CCNT2: variants seen among roughly 807,000 people sequenced by gnomAD.
CCNT2 encodes cyclin-T2.
In CCNT2, 18 loss-of-function variants were observed where a neutral mutation model predicts 70.0. The observed-to-expected ratio is 0.26, with a 90% CI of 0.18 to 0.38. The LOEUF (loss-of-function observed/expected upper bound fraction) is 0.38, where lower values mean the gene tolerates loss of function less well. Ranked by LOEUF, CCNT2 falls within the 10% of genes least tolerant of loss-of-function variation. CCNT2 has a pLI of 1.00. For synonymous variants in CCNT2, 334 were observed against 313.3 expected (o/e 1.07, Z -0.70); for missense variants, 734 against 890.2 (o/e 0.82, Z 2.23).
At chr2:134,948,957 T>A (rs1682221567) in intron 7 of CCNT2, among the ~76,000 whole-genome samples, 1 of 152,082 alleles carries the variant, frequency 6.6e-6, no homozygotes, top group Non-Finnish European at 1.5e-5. Flanking sequence ...TCAGATGATC[T>A]GCCCACCTTG....
Position 134,942,155 on chromosome 2 carries a change from C to T in CCNT2, c.431-457C>T, listed in dbSNP as rs538795013. Among the ~76,000 whole-genome samples the T allele has an allele frequency of 1.3e-3, 196 of 150,926 alleles. 1 individual carries two copies. Among genetic ancestry groups the T allele is most frequent in the Non-Finnish European group, 2.0e-3 (137 of 67,820 alleles). On this transcript the variant is annotated intron_variant, in intron 4 of 8. Transcript: ENST00000264157. ...GGTTATAAGGTAACTGGTTGAAACC[C>T]TTTGATCTAGAGTGCCGTATCATTT...
At chr2:134,946,284 C>T (rs1681960956) in intron 6 of CCNT2, 138 bp downstream of exon 6, 1 of 1,265,260 alleles carries the variant, frequency 7.9e-7, no homozygotes, top group South Asian at 1.4e-5. Flanking sequence ...TTCCTGTTTG[C>T]TTTGCGGTGT....
intron 2 of CCNT2, among the ~76,000 whole-genome samples, chr2:134,935,008 G>C (rs1287149740): frequency 6.6e-6 from 1 of 152,130 alleles, no homozygotes; most frequent in African/African-American, 2.4e-5. Context: ...GATTTTTATA[G>C]TGGCATTTGG....
rs776244094 is a variant in CCNT2 at position 134,958,602 on chromosome 2, T to G, written c.*3954T>G. The G allele has an allele frequency of 6.6e-6, 1 of 152,322 alleles. No homozygotes were observed. The highest frequency in any genetic ancestry group is 2.4e-5 in the African/African-American group (1 of 41,558). The allele number at this position is 152,322 out of a possible 1,614,324, so 9.4% of individuals were successfully genotyped here. A position where few individuals can be genotyped will look rare whatever the true frequency, so the allele number is the denominator to read the frequency against. ...AGAATCACATTCTGATACGTTAATA[T>G]CAGAAATCAGTGAGCAACCTAATTG... On this transcript the variant is annotated 3_prime_UTR_variant, in exon 9 of 9. Coordinates refer to ENST00000264157, the MANE Select transcript of CCNT2 (RefSeq NM_058241.3).
rs1682859102 is a variant in CCNT2, at chr2:134,955,239, A to G, written c.*591A>G. 1 of 153,278 alleles carries G rather than the reference A, an allele frequency of 6.5e-6. No homozygotes were observed. The highest frequency in any genetic ancestry group is 1.5e-5 in the Non-Finnish European group (1 of 68,530). 9.5% of individuals were successfully genotyped at this position (153,278 alleles called of 1,614,324 possible). A position where few individuals can be genotyped will look rare whatever the true frequency, so the allele number is the denominator to read the frequency against. On this transcript the variant is annotated 3_prime_UTR_variant, in exon 9 of 9. Transcript: ENST00000264157. ...TTTTATCTTGTCAGAGTCCATCACTAATCTAAAACAAAGGTGGCACTTTTT... is the reference window on the plus strand; with the variant it reads ...TTTTATCTTGTCAGAGTCCATCACTGATCTAAAACAAAGGTGGCACTTTTT...
intron 3 of CCNT2, among the ~76,000 whole-genome samples, chr2:134,937,572 C>A (rs1482659780): frequency 6.6e-6 from 1 of 152,098 alleles, no homozygotes; most frequent in African/African-American, 2.4e-5. Flanking sequence ...TTAAATTTTT[C>A]TGACATCTTA....
At position 134,958,138 on chromosome 2, in the gene CCNT2, CAGTT is replaced by C. The variant is rs1168125699; in HGVS notation, c.*3495_*3498del. ...ATGAATATTATGCATTTCATGAGTA[CAGTT>C]AGTTGATTAGATATTTCAGGGTTTT... On this transcript the variant is annotated 3_prime_UTR_variant, in exon 9 of 9. Coordinates refer to ENST00000264157, the MANE Select transcript of CCNT2 (RefSeq NM_058241.3). 6.6e-6 allele frequency: 1 copy of C among 152,144 alleles called. No individual in the cohort carries two copies. The highest frequency in any genetic ancestry group is 1.5e-5 in the Non-Finnish European group (1 of 68,026). The allele number at this position is 152,144 out of a possible 1,614,324, so 9.4% of individuals were successfully genotyped here.
rs774045612 is a variant in CCNT2, at chr2:134,953,800, G to T, written c.1345G>T (p.Asp449Tyr). The T allele has an allele frequency of 6.2e-7, 1 of 1,613,962 alleles. No homozygotes were observed. The highest frequency in any genetic ancestry group is 8.5e-7 in the Non-Finnish European group (1 of 1,179,908). ...AGAAAAGCGTAAACTAGAAACTCTT[G>T]ATCTCGATGTAAGGGATCATTATAT... The part of the protein sequence containing the change: ...YREKRKLETL[D>Y]LDVRDHYIAA... Residue 449 changes from aspartate to tyrosine, a missense_variant, in exon 9 of 9, where the codon GAT (aspartate) becomes TAT (tyrosine). Physicochemically the swap from Asp to Tyr is radical, Grantham distance 160 (BLOSUM62 -3). Around this residue, in one of 3 missense-constraint regions of CCNT2, gnomAD observed 532 missense variants for 556.9 expected, o/e 0.96. Coordinates refer to ENST00000264157, the MANE Select transcript of CCNT2 (RefSeq NM_058241.3).
chr2:134,937,035 A>G, intron 3 of CCNT2, 66 bp downstream of exon 3: 1 of 1,115,196 alleles, frequency 9.0e-7, no homozygotes, highest in Admixed American at 2.1e-5. Context: ...TGTAGGCCTA[A>G]CAAAAATACA....
chr2:134,943,362 C>T, intron 5 of CCNT2: 1 of 848,576 alleles, frequency 1.2e-6, no homozygotes, highest in Non-Finnish European at 1.4e-6. Context: ...GATCATGCCC[C>T]TGCACTCTAC....
chr2:134,920,015 G>A (rs1679769729), intron 2 of CCNT2, 124 bp downstream of exon 2: 1 of 600,612 alleles, frequency 1.7e-6, no homozygotes, highest in African/African-American at 1.9e-5. Context: ...TATATCACGT[G>A]ATAAATATTT....
intron 6 of CCNT2, 96 bp from the exon 7 acceptor site, chr2:134,947,640 T>C: frequency 1.2e-6 from 1 of 844,260 alleles, no homozygotes; most frequent in Non-Finnish European, 1.7e-6. Flanking sequence ...AAAGATAGAG[T>C]TTAAATTTTG....
At position 134,946,125 on chromosome 2, in the gene CCNT2, C is replaced by A; in HGVS notation, c.518C>A (p.Ser173Tyr). The change falls in exon 6 of 9, where the codon TCC becomes TAC. Residue 173 changes from serine (S) to tyrosine (Y), a missense_variant. This residue lies in a region of CCNT2 where 161 missense variants were observed against 303.8 expected (regional missense o/e 0.53). Transcript: ENST00000264157. The part of the protein sequence containing the change: ...VRASKDLAQT[S>Y]YFMATNSLHL... ...GCAAGCAAGGATTTGGCACAGACATCCTATTTCATGGCTACCAACAGGTTG... is the reference window on the plus strand; with the variant it reads ...GCAAGCAAGGATTTGGCACAGACATACTATTTCATGGCTACCAACAGGTTG... 1 of 1,608,164 alleles carries A rather than the reference C, an allele frequency of 6.2e-7. No individual in the cohort carries two copies.
intron 7 of CCNT2, among the ~76,000 whole-genome samples, chr2:134,949,985 G>A (rs565656961): frequency 1.3e-5 from 2 of 152,194 alleles, no homozygotes; most frequent in African/African-American, 4.8e-5. Flanking sequence ...AGTAGAGATA[G>A]GGTTTTCACC....
intron 4 of CCNT2, among the ~76,000 whole-genome samples, chr2:134,941,244 CAGTA>C (rs933301079): frequency 6.6e-6 from 1 of 152,178 alleles, no homozygotes; most frequent in Non-Finnish European, 1.5e-5. Flanking sequence ...CAACCTGAGA[CAGTA>C]AGACCAACCC....
chr2:134,939,353 T>C (rs1681394842), intron 4 of CCNT2, among the ~76,000 whole-genome samples: 1 of 152,208 alleles, frequency 6.6e-6, no homozygotes, highest in Non-Finnish European at 1.5e-5. Flanking sequence ...AATGGTCCTT[T>C]AGGGTTGTTT....
Position 134,953,533 on chromosome 2 carries a change from A to G in CCNT2, c.1078A>G (p.Thr360Ala). ...GCCTCAACATCAAGACTCAGCAAGG[A>G]CAGAACAGCTATATTCACAGAAACA... is the stretch of plus-strand genomic sequence containing the variant. ...EWPQHQDSAR[T>A]EQLYSQKQET... Residue 360 changes from threonine (T) to alanine (A), a missense_variant, in exon 9 of 9, where the codon ACA becomes GCA. Physicochemically the swap from Thr to Ala is moderately conservative, Grantham distance 58. Around this residue, in one of 3 missense-constraint regions of CCNT2, gnomAD observed 532 missense variants for 556.9 expected, o/e 0.96. Transcript: ENST00000264157. 6.2e-7 allele frequency: 1 copy of G among 1,614,224 alleles called. No individual in the cohort carries two copies. Among genetic ancestry groups the G allele is most frequent in the Non-Finnish European group, 8.5e-7 (1 of 1,180,038 alleles).
At position 134,954,418 on chromosome 2, in the gene CCNT2, A is replaced by G. The variant is rs1559118584; in HGVS notation, c.1963A>G (p.Ile655Val). Residue 655 changes from isoleucine (I) to valine (V), a missense_variant, in exon 9 of 9, where the codon ATA becomes GTA. Physicochemically the swap from Ile to Val is conservative, Grantham distance 29. Coordinates refer to ENST00000264157, the MANE Select transcript of CCNT2 (RefSeq NM_058241.3). ...SSSSSSVKQYISSHNSVFNHP... is the reference protein window; with the variant it reads ...SSSSSSVKQYVSSHNSVFNHP... ...TTCTTCCTCCTCTGTTAAGCAGTATATATCCTCTCACAACTCTGTTTTTAA... is the reference window on the plus strand; with the variant it reads ...TTCTTCCTCCTCTGTTAAGCAGTATGTATCCTCTCACAACTCTGTTTTTAA... 1 of 1,614,004 alleles carries G rather than the reference A, an allele frequency of 6.2e-7. No individual in the cohort carries two copies. The highest frequency in any genetic ancestry group is 8.5e-7 in the Non-Finnish European group (1 of 1,179,886).
At chr2:134,927,601 A>G (rs1680389406) in intron 2 of CCNT2, among the ~76,000 whole-genome samples, 1 of 152,252 alleles carries the variant, frequency 6.6e-6, no homozygotes, top group Non-Finnish European at 1.5e-5. Context: ...ATGTCTCAGT[A>G]TAAAATCAGA....
Sources: gnomAD v4.1 joint callset for allele counts (sites outside exome capture counted in the v4.1 genomes callset) on GRCh38, gnomAD v4.1.1 for gene constraint, gnomAD v4.1.1 regional missense constraint, MANE v1.5 for transcripts, NCBI Gene and HGNC (gene_info 2026-07-23, HGNC 2026-07-21) for gene names.